SLC9C1: variants seen among roughly 807,000 people sequenced by gnomAD.
SLC9C1 encodes the protein sodium/hydrogen exchanger 10.
Under a neutral mutation model 140.9 loss-of-function variants are expected in SLC9C1, and 97 were observed. That is an observed-to-expected ratio of 0.69 (90% confidence interval 0.58 to 0.82). The LOEUF is 0.82. Among genes scored for constraint, SLC9C1 ranks in the 40% least tolerant of loss-of-function variants. The pLI, the probability that SLC9C1 is intolerant of heterozygous loss-of-function variation, is 0.00. For synonymous variants in SLC9C1, 440 were observed against 442.6 expected (o/e 0.99, Z 0.07); for missense variants, 1,340 against 1,389.3 (o/e 0.96, Z 0.56).
chr3:112,227,507 G>A (rs945906315), intron 13 of SLC9C1, among the ~76,000 whole-genome samples: 3 of 136,440 alleles, frequency 2.2e-5, no homozygotes, highest in African/African-American at 8.3e-5. Flanking sequence ...CTGAATAGAC[G>A]CAAAAAACAT....
intron 20 of SLC9C1, chr3:112,185,931 G>A: frequency 6.4e-7 from 1 of 1,566,202 alleles, no homozygotes; most frequent in African/African-American, 1.3e-5. Flanking sequence ...GAAATAGCCA[G>A]GCGGCAGCAG....
chr3:112,169,549 G>A (rs1311748305), intron 23 of SLC9C1, among the ~76,000 whole-genome samples: 1 of 152,086 alleles, frequency 6.6e-6, no homozygotes, highest in Non-Finnish European at 1.5e-5. Context: ...GTAAAATGTG[G>A]CTTTATTTCT....
rs147530494 is a variant in SLC9C1 at position 112,147,725 on chromosome 3, T to C, written c.3524+4132A>G. Reference sequence around the variant, plus strand: ...GACTTTAAAATTTTTTCTTTGGCACTGACCCTGGACAGTCTGGTGACTATA... The same window carrying C: ...GACTTTAAAATTTTTTCTTTGGCACCGACCCTGGACAGTCTGGTGACTATA... On this transcript the variant is annotated intron_variant, in intron 28 of 28. Coordinates refer to ENST00000305815, the MANE Select transcript of SLC9C1 (RefSeq NM_183061.3). 5.3e-4 allele frequency among the ~76,000 whole-genome samples: 80 copies of C among 152,328 alleles called. 1 individual carries two copies. Among genetic ancestry groups the C allele is most frequent in the African/African-American group, 1.9e-3 (77 of 41,596 alleles).
chr3:112,149,458 G>T (rs1164752889), intron 28 of SLC9C1, among the ~76,000 whole-genome samples: 1 of 151,802 alleles, frequency 6.6e-6, no homozygotes, highest in Non-Finnish European at 1.5e-5. Context: ...TAAGTGTGGA[G>T]TAGAGAGAGC....
chr3:112,194,194 A>G (rs73219905), intron 20 of SLC9C1, among the ~76,000 whole-genome samples: 121 of 152,202 alleles, frequency 7.9e-4, no homozygotes, highest in Non-Finnish European at 1.2e-3. Flanking sequence ...TTTTGGAAAG[A>G]CTGTGCGATA....
At position 112,227,996 on chromosome 3, in the gene SLC9C1, G is replaced by A. The variant is rs1226453839; in HGVS notation, c.1572+3365C>T. On this transcript the variant is annotated intron_variant, in intron 13 of 28. Transcript: ENST00000305815. ...AATGACCATACTCCCTAAGAATCCT[G>A]TGGATTCAACGCAATCCCTAGCAAA... Among the ~76,000 whole-genome samples, 7 of 152,148 alleles carry A rather than the reference G, an allele frequency of 4.6e-5. No homozygotes were observed. In the East Asian group the frequency reaches 1.3e-3, roughly 29 times the overall value.
rs758268069 is a variant in SLC9C1 at position 112,169,237 on chromosome 3, G to A, written c.3011C>T (p.Ala1004Val). 2.7e-5 allele frequency: 44 copies of A among 1,613,468 alleles called. No homozygotes were observed. The highest frequency in any genetic ancestry group is 3.6e-5 in the Non-Finnish European group (42 of 1,179,778). ...KQKMWLKLGL[A>V]ITARKIREHL... ...TTCTCTGATTTTTCTGGCTGTAATA[G>A]CGAGTCCAAGTTTTAGCCACATTTT... The change falls in exon 24 of 29, where the codon GCT (alanine) becomes GTT (valine). Residue 1004 changes from alanine (A) to valine (V), a missense_variant. Ala to Val is a moderately conservative substitution (Grantham distance 64, BLOSUM62 0). Coordinates refer to ENST00000305815, the MANE Select transcript of SLC9C1 (RefSeq NM_183061.3).
At chr3:112,211,119 A>G (rs2108075069) in intron 15 of SLC9C1, among the ~76,000 whole-genome samples, 1 of 152,330 alleles carries the variant, frequency 6.6e-6, no homozygotes, top group South Asian at 2.1e-4. Flanking sequence ...ATTTTCTATG[A>G]CTGTAAATAA....
chr3:112,234,764 G>A (rs1260473586), intron 12 of SLC9C1, among the ~76,000 whole-genome samples: 2 of 152,108 alleles, frequency 1.3e-5, no homozygotes, highest in African/African-American at 4.8e-5. Flanking sequence ...TTTTTGTCAA[G>A]TTTGTCAAAG....
At chr3:112,246,773 A>T (rs2079296927) in intron 10 of SLC9C1, among the ~76,000 whole-genome samples, 1 of 152,218 alleles carries the variant, frequency 6.6e-6, no homozygotes, top group Admixed American at 6.5e-5. Flanking sequence ...GTTTAAAGAT[A>T]TTCAGCAGCA....
At chr3:112,160,495 C>A (rs1165584540) in intron 26 of SLC9C1, among the ~76,000 whole-genome samples, 1 of 147,456 alleles carries the variant, frequency 6.8e-6, no homozygotes, top group Non-Finnish European at 1.5e-5. Context: ...TTTCAATTCC[C>A]ACTTATGAGT....
rs1339950469 is a variant in SLC9C1, at chr3:112,168,989, T to G, written c.3125A>C (p.Asp1042Ala). Residue 1042 changes from aspartate to alanine, a missense_variant, in exon 25 of 29, where the codon GAT (aspartate) becomes GCT (alanine). Coordinates refer to ENST00000305815, the MANE Select transcript of SLC9C1 (RefSeq NM_183061.3). The stretch of plus-strand genomic sequence containing the variant: ...ATAGATTAGATTTTCATCATAAATA[T>G]CAGTTTTGGTACTCATTGGTATATC... ...VVDIPMSTKT[D>A]IYDENLIYVI... 1 of 1,612,130 alleles carries G rather than the reference T, an allele frequency of 6.2e-7. No individual in the cohort carries two copies. Among genetic ancestry groups the G allele is most frequent in the African/African-American group, 1.3e-5 (1 of 74,996 alleles).
intron 15 of SLC9C1, among the ~76,000 whole-genome samples, chr3:112,209,354 T>G (rs1189559429): frequency 1.3e-5 from 2 of 152,204 alleles, no homozygotes; most frequent in Non-Finnish European, 2.9e-5. Flanking sequence ...AACCTCTCTG[T>G]CCTCTCTCCA....
At chr3:112,166,257 G>A (rs1024012373) in intron 26 of SLC9C1, among the ~76,000 whole-genome samples, 3 of 152,192 alleles carry the variant, frequency 2.0e-5, no homozygotes, top group Admixed American at 6.5e-5. Context: ...GCTCACACTT[G>A]GTGCGCTGCA....
chr3:112,165,092 G>A (rs1288397764), intron 26 of SLC9C1, among the ~76,000 whole-genome samples: 21 of 152,100 alleles, frequency 1.4e-4, no homozygotes, highest in Admixed American at 7.9e-4. Context: ...CGTTCATCAC[G>A]TAGTTCTTGT....
At chr3:112,168,606 T>C (rs952690065) in intron 25 of SLC9C1, among the ~76,000 whole-genome samples, 11 of 152,206 alleles carry the variant, frequency 7.2e-5, no homozygotes, top group Non-Finnish European at 7.3e-5. Flanking sequence ...AAAATCTAAC[T>C]GTAACCAAAA....
At chr3:112,279,264 C>T (rs4572740) in intron 3 of SLC9C1, among the ~76,000 whole-genome samples, 88,283 of 151,978 alleles carry the variant, frequency 0.58, 26,279 homozygotes, top group East Asian at 0.79. Flanking sequence ...TGTTTCTCCA[C>T]GGTTTATGCA....
chr3:112,173,169 T>C (rs531513216), intron 23 of SLC9C1, among the ~76,000 whole-genome samples: 67 of 152,350 alleles, frequency 4.4e-4, no homozygotes, highest in African/African-American at 1.5e-3. Flanking sequence ...TAAAACCATC[T>C]GGCATGGAGT....
chr3:112,185,739 C>G (rs933175216), intron 20 of SLC9C1: 5 of 1,538,568 alleles, frequency 3.2e-6, no homozygotes, highest in South Asian at 1.2e-5. Context: ...GCTGAGCCCC[C>G]GGCCTGCCGG....
Sources: allele counts gnomAD v4.1 joint callset (sites outside exome capture counted in the v4.1 genomes callset), GRCh38; gene constraint gnomAD v4.1.1; transcripts MANE v1.5; gene names NCBI Gene and HGNC (gene_info 2026-07-23, HGNC 2026-07-21).